PTPRD: variants seen among roughly 807,000 people sequenced by gnomAD.
The protein encoded by PTPRD is protein tyrosine phosphatase receptor type D, also known as receptor-type tyrosine-protein phosphatase delta.
PTPRD carries 34 observed loss-of-function variants against 214.5 expected under a neutral mutation model. That is an observed-to-expected ratio of 0.16 (90% CI 0.12 to 0.21). The LOEUF (loss-of-function observed/expected upper bound fraction) is 0.21, where lower values mean the gene tolerates loss of function less well. PTPRD is among the 10% of genes least tolerant of loss of function. PTPRD has a pLI of 1.00. For synonymous variants in PTPRD, 1,128 were observed against 845.7 expected (o/e 1.33, Z -5.79); for missense variants, 2,545 against 2,398.7 (o/e 1.06, Z -1.27).
chr9:9,097,826 T>C (rs993102029), intron 10 of PTPRD, among the ~76,000 whole-genome samples: 1 of 152,138 alleles, frequency 6.6e-6, no homozygotes, highest in East Asian at 1.9e-4. Context: ...GATGCTTGTA[T>C]AGTGAAGAGC....
intron 33 of PTPRD, 134 bp from the exon 34 acceptor site, chr9:8,449,971 T>C (rs2133489973): frequency 1.2e-6 from 1 of 832,078 alleles, no homozygotes; most frequent in East Asian, 2.7e-5. Context: ...AGCTGACTTG[T>C]GACCCAGTTC....
chr9:8,704,734 C>A (rs1172606389), intron 12 of PTPRD, among the ~76,000 whole-genome samples: 3 of 148,462 alleles, frequency 2.0e-5, no homozygotes, highest in Non-Finnish European at 3.0e-5. Context: ...GAAGACCAGT[C>A]TGGCCAAATC....
chr9:10,505,263 A>C (rs1234896710), intron 2 of PTPRD, among the ~76,000 whole-genome samples: 1 of 152,228 alleles, frequency 6.6e-6, no homozygotes, highest in Admixed American at 6.5e-5. Context: ...CACTGGTGAC[A>C]GTATTCCCAA....
chr9:9,460,992 A>C (rs1003947346), intron 8 of PTPRD, among the ~76,000 whole-genome samples: 1 of 152,114 alleles, frequency 6.6e-6, no homozygotes, highest in African/African-American at 2.4e-5. Flanking sequence ...CTATGAAGTC[A>C]TTAAAAAGAA....
At chr9:8,602,709 T>G (rs1418767762) in intron 14 of PTPRD, among the ~76,000 whole-genome samples, 2 of 152,298 alleles carry the variant, frequency 1.3e-5, no homozygotes, top group Admixed American at 1.3e-4. Flanking sequence ...CATCAATATT[T>G]TTCCAGAGTC....
intron 5 of PTPRD, among the ~76,000 whole-genome samples, chr9:9,815,801 C>T (rs2761740): frequency 0.46 from 70,158 of 151,922 alleles, 19,482 homozygotes; most frequent in African/African-American, 0.79. Flanking sequence ...ACTTATAAGA[C>T]GAATAAGTTC....
chr9:8,869,860 G>T (rs1199875137), intron 11 of PTPRD, among the ~76,000 whole-genome samples: 1 of 152,050 alleles, frequency 6.6e-6, no homozygotes, highest in Non-Finnish European at 1.5e-5. Flanking sequence ...TCTAGCTGCT[G>T]GCACTGGTAG....
intron 3 of PTPRD, among the ~76,000 whole-genome samples, chr9:10,170,983 A>G (rs986913321): frequency 2.6e-5 from 4 of 152,150 alleles, no homozygotes; most frequent in African/African-American, 9.7e-5. Context: ...CTAAGATGCA[A>G]TCATTACTTC....
At chr9:8,620,783 A>G (rs1423643357) in intron 14 of PTPRD, among the ~76,000 whole-genome samples, 1 of 152,048 alleles carries the variant, frequency 6.6e-6, no homozygotes, top group Non-Finnish European at 1.5e-5. Context: ...CATTGGGCAA[A>G]GTCCTTTCAA....
chr9:10,202,294 A>G (rs921544483), intron 3 of PTPRD, among the ~76,000 whole-genome samples: 1 of 152,004 alleles, frequency 6.6e-6, no homozygotes, highest in African/African-American at 2.4e-5. Context: ...TTTCTTGGAA[A>G]GCAGGAGCCC....
chr9:9,387,042 A>C (rs1294432101), intron 9 of PTPRD, among the ~76,000 whole-genome samples: 1 of 152,208 alleles, frequency 6.6e-6, no homozygotes, highest in African/African-American at 2.4e-5. Flanking sequence ...ATGTGAGTGC[A>C]GGTGCTAAGG....
chr9:10,384,282 G>A (rs1292629678), intron 2 of PTPRD, among the ~76,000 whole-genome samples: 3 of 151,526 alleles, frequency 2.0e-5, no homozygotes, highest in Non-Finnish European at 1.5e-5. Context: ...AATATCTCAT[G>A]TACCCCATAA....
intron 9 of PTPRD, among the ~76,000 whole-genome samples, chr9:9,267,660 T>C (rs530265148): frequency 6.6e-6 from 1 of 151,340 alleles, no homozygotes; most frequent in East Asian, 2.0e-4. Flanking sequence ...TTCAATAGCT[T>C]ATTAAAAGGA....
intron 3 of PTPRD, among the ~76,000 whole-genome samples, chr9:10,273,049 T>C (rs2094503234): frequency 6.6e-6 from 1 of 152,180 alleles, no homozygotes; most frequent in African/African-American, 2.4e-5. Context: ...GCTCTGATGA[T>C]TGGCACAATG....
At chr9:9,735,408 T>A (rs976976066) in intron 6 of PTPRD, among the ~76,000 whole-genome samples, 2 of 152,102 alleles carry the variant, frequency 1.3e-5, no homozygotes, top group Non-Finnish European at 2.9e-5. Context: ...AACTACACAT[T>A]TGAAAAACAC....
chr9:8,965,712 C>T (rs563969108), intron 11 of PTPRD, among the ~76,000 whole-genome samples: 2 of 152,186 alleles, frequency 1.3e-5, no homozygotes, highest in East Asian at 1.9e-4. Context: ...GAAGCATTCC[C>T]CTTGAGAACT....
At chr9:9,092,486 G>A (rs545095081) in intron 10 of PTPRD, among the ~76,000 whole-genome samples, 1 of 152,054 alleles carries the variant, frequency 6.6e-6, no homozygotes, top group South Asian at 2.1e-4. Context: ...GACAAGGGAA[G>A]TGTATTCATA....
At chr9:8,902,214 C>T (rs1315353157) in intron 11 of PTPRD, among the ~76,000 whole-genome samples, 4 of 152,186 alleles carry the variant, frequency 2.6e-5, no homozygotes, top group Non-Finnish European at 5.9e-5. Flanking sequence ...GAAACTGTTG[C>T]TACTCAAAGT....
At chr9:8,981,437 A>G (rs1280092755) in intron 11 of PTPRD, among the ~76,000 whole-genome samples, 1 of 152,028 alleles carries the variant, frequency 6.6e-6, no homozygotes, top group Non-Finnish European at 1.5e-5. Flanking sequence ...TAGTAAAGTC[A>G]AGTGTTTACA....
Sources: gnomAD v4.1 joint callset for allele counts (sites outside exome capture counted in the v4.1 genomes callset) on GRCh38, gnomAD v4.1.1 for gene constraint, MANE v1.5 for transcripts, NCBI Gene and HGNC (gene_info 2026-07-23, HGNC 2026-07-21) for gene names.